The following TRMT1 variants were observed in gnomAD, a reference collection of about 807,000 sequenced individuals.
TRMT1 encodes tRNA methyltransferase 1.
TRMT1 carries 63 observed loss-of-function variants against 75.4 expected under a neutral mutation model. The observed-to-expected ratio is 0.84, with a 90% CI of 0.68 to 1.03. TRMT1 has a LOEUF of 1.03. TRMT1 is among the 50% of genes least tolerant of loss of function. The pLI is 0.00. For missense variants in TRMT1, 870 were observed against 905.3 expected, an observed-to-expected ratio of 0.96 and a Z score of 0.50; for synonymous variants, 382 against 358.1, an observed-to-expected ratio of 1.07 and a Z score of -0.75.
chr19:13,109,301 C>G, intron 12 of TRMT1, 80 bp downstream of exon 12: 3 of 1,533,490 alleles, frequency 2.0e-6, no homozygotes, highest in Non-Finnish European at 2.7e-6. Flanking sequence ...CTCGCAAGTT[C>G]TATGCATGAG....
At chr19:13,106,053 C>T (rs1303871525) in intron 14 of TRMT1, among the ~76,000 whole-genome samples, 1 of 151,220 alleles carries the variant, frequency 6.6e-6, no homozygotes, top group Non-Finnish European at 1.5e-5. Context: ...GAGAGTGAGC[C>T]TCTGTCTAAA....
Position 13,115,449 on chromosome 19 carries a change from C to T in TRMT1, c.471G>A (p.Leu157=). Residue 157 remains leucine, a synonymous_variant, in exon 5 of 17, where the codon CTG becomes CTA. Coordinates refer to ENST00000357720, the MANE Select transcript of TRMT1 (RefSeq NM_001136035.4). ...GTAGGCCTGAAGCTGCCAGGCCTTC[C>T]AGCACATGCAGGCCTTCCTGTTGGA... ...GEICEEGLHV[L]EGLAASGLRS... The T allele has an allele frequency of 6.2e-7, 1 of 1,613,312 alleles. No individual in the cohort carries two copies. Among genetic ancestry groups the T allele is most frequent in the Non-Finnish European group, 8.5e-7 (1 of 1,179,594 alleles).
Position 13,109,414 on chromosome 19 carries a change from A to T in TRMT1, c.1364T>A (p.Ile455Asn). Residue 455 changes from isoleucine (I) to asparagine (N), a missense_variant, in exon 12 of 17, where the codon ATC becomes AAC. By Grantham distance (149) the Ile-to-Asn change is moderately radical. Coordinates refer to ENST00000357720, the MANE Select transcript of TRMT1 (RefSeq NM_001136035.4). The part of the protein sequence containing the change: ...YYTLDQLSST[I>N]HCNTPSLLQL... ...CAGGAGGCTTGGTGTGTTGCAGTGG[A>T]TGGTGCTGCTCAGCTGGTCCAGGGT... 6.2e-6 allele frequency: 10 copies of T among 1,613,164 alleles called. No individual in the cohort carries two copies. Among genetic ancestry groups the T allele is most frequent in the Non-Finnish European group, 7.6e-6 (9 of 1,179,968 alleles).
At position 13,110,008 on chromosome 19, in the gene TRMT1, G is replaced by T. The variant is rs1368167263; in HGVS notation, c.1020-7C>A. ...GAACACCAGCGCCTGCTTGCTGTGG[G>T]GGGTACCAGTGGCCACGAGTTCCCA... On this transcript the variant is annotated splice_region_variant and splice_polypyrimidine_tract_variant and intron_variant, in intron 8 of 16. Coordinates refer to ENST00000357720, the MANE Select transcript of TRMT1 (RefSeq NM_001136035.4). 1 of 1,612,914 alleles carries T rather than the reference G, an allele frequency of 6.2e-7. No individual in the cohort carries two copies. The highest frequency in any genetic ancestry group is 1.3e-5 in the African/African-American group (1 of 74,882).
chr19:13,112,436 A>G (rs560664776), intron 7 of TRMT1, among the ~76,000 whole-genome samples: 1 of 152,194 alleles, frequency 6.6e-6, no homozygotes, highest in African/African-American at 2.4e-5. Flanking sequence ...TTTTTTGAAA[A>G]GTTGTTTTAA....
chr19:13,105,357 C>G lies in TRMT1; in HGVS notation c.1743G>C (p.Arg581Ser), dbSNP rs937026818. 2.9e-5 allele frequency: 46 copies of G among 1,613,804 alleles called. No individual in the cohort carries two copies. Among genetic ancestry groups the G allele is most frequent in the Non-Finnish European group, 3.7e-5 (44 of 1,180,030 alleles). ...GCTCCTTCCGCTTGTTCTGAAGCAG[C>G]CTGCGTCTCTCCTCCATAGCTTCGT... ...AADEAMEERR[R>S]LLQNKRKEPP... is the part of the protein sequence containing the mutation. Residue 581 changes from arginine (R) to serine (S), a missense_variant, in exon 16 of 17, where the codon AGG (arginine) becomes AGC (serine). By Grantham distance (110) the Arg-to-Ser change is moderately radical. Transcript: ENST00000357720.
At chr19:13,105,740 T>TA in intron 14 of TRMT1, 134 bp from the exon 15 acceptor site, 1 of 952,974 alleles carries the variant, frequency 1.0e-6, no homozygotes, top group South Asian at 1.7e-5. Flanking sequence ...CTCATTCATC[T>TA]AATAAACATT....
intron 7 of TRMT1, 138 bp from the exon 8 acceptor site, chr19:13,110,444 G>A: frequency 2.0e-6 from 2 of 1,004,362 alleles, no homozygotes; most frequent in East Asian, 2.6e-5. Context: ...CTGGCTGTGG[G>A]ACCCTCAACA....
chr19:13,107,866 A>T lies in TRMT1; in HGVS notation c.1398-7T>A. 6.4e-7 allele frequency: 1 copy of T among 1,551,180 alleles called. No homozygotes were observed. The highest frequency in any genetic ancestry group is 8.7e-7 in the Non-Finnish European group (1 of 1,146,594). ...AGCGTGGAGGAGGGCCGACCTGGGGAACAGCAGGGATTATGAGGGAGATGC... is the reference window on the plus strand; with the variant it reads ...AGCGTGGAGGAGGGCCGACCTGGGGTACAGCAGGGATTATGAGGGAGATGC... On this transcript the variant is annotated splice_region_variant and splice_polypyrimidine_tract_variant and intron_variant, in intron 12 of 16. Transcript: ENST00000357720.
intron 15 of TRMT1, 26 bp from the exon 16 acceptor site, chr19:13,105,422 A>AC: frequency 6.2e-7 from 1 of 1,613,420 alleles, no homozygotes; most frequent in African/African-American, 1.3e-5. Context: ...AGTAGGTGGG[A>AC]CCCCATCTGC....
chr19:13,112,528 T>C lies in TRMT1; in HGVS notation c.870+177A>G, dbSNP rs147967022. 3.9e-5 allele frequency among the ~76,000 whole-genome samples: 6 copies of C among 152,344 alleles called. No individual in the cohort carries two copies. The East Asian group carries it at 9.6e-4, about 24-fold the overall frequency. ...CCCAAATGACCATGATTATCAGCCA[T>C]GCTCTTAGGAACTATGTGGGTTGAA... On this transcript the variant is annotated intron_variant, in intron 7 of 16. Transcript: ENST00000357720.
chr19:13,110,413 C>G, intron 7 of TRMT1, 107 bp from the exon 8 acceptor site: 1 of 1,308,066 alleles, frequency 7.6e-7, no homozygotes, highest in Middle Eastern at 2.3e-4. Context: ...TCCCTGGGAT[C>G]CAAGCCCACC....
chr19:13,113,212 G>A (rs1599953115), intron 5 of TRMT1, among the ~76,000 whole-genome samples: 1 of 152,258 alleles, frequency 6.6e-6, no homozygotes, highest in East Asian at 1.9e-4. Context: ...CAGCTGGAGT[G>A]CAGTGTTGTG....
rs755967021 is a variant in TRMT1 at position 13,107,758 on chromosome 19, C to T, written c.1499G>A (p.Arg500His). ...GGTCAGCCCTGCCCTCACCCAGCAA[C>T]GCATGATGTCCCAGAGGGCAGAGGC... ...APASALWDIM[R>H]CWEKECPVKR... Residue 500 changes from arginine (R) to histidine (H), a missense_variant, in exon 13 of 17, where the codon CGT becomes CAT. Arg to His is a conservative substitution (Grantham distance 29). Coordinates refer to ENST00000357720, the MANE Select transcript of TRMT1 (RefSeq NM_001136035.4). 34 of 1,554,118 alleles carry T rather than the reference C, an allele frequency of 2.2e-5. No individual in the cohort carries two copies. Among genetic ancestry groups the T allele is most frequent in the East Asian group, 1.5e-4 (6 of 41,086 alleles).
intron 5 of TRMT1, among the ~76,000 whole-genome samples, chr19:13,114,425 G>A (rs1288419012): frequency 6.6e-6 from 1 of 152,206 alleles, no homozygotes; most frequent in African/African-American, 2.4e-5. Flanking sequence ...CCACCACTTT[G>A]GGAGGCCGAG....
intron 7 of TRMT1, 134 bp from the exon 8 acceptor site, chr19:13,110,440 G>T: frequency 9.5e-7 from 1 of 1,051,590 alleles, no homozygotes; most frequent in Non-Finnish European, 1.3e-6. Context: ...AGTCCTGGCT[G>T]TGGGACCCTC....
At chr19:13,115,565 C>G in intron 4 of TRMT1, 61 bp downstream of exon 4, 1 of 1,608,864 alleles carries the variant, frequency 6.2e-7, no homozygotes. Context: ...CTCTCCCCCT[C>G]CAGGAGCCCT....
At position 13,110,007 on chromosome 19, in the gene TRMT1, G is replaced by A. The variant is rs1477606514; in HGVS notation, c.1020-6C>T. 1 of 1,613,016 alleles carries A rather than the reference G, an allele frequency of 6.2e-7. No individual in the cohort carries two copies. Among genetic ancestry groups the A allele is most frequent in the Admixed American group, 1.7e-5 (1 of 60,012 alleles). ...GGAACACCAGCGCCTGCTTGCTGTGGGGGGTACCAGTGGCCACGAGTTCCC... is the reference window on the plus strand; with the variant it reads ...GGAACACCAGCGCCTGCTTGCTGTGAGGGGTACCAGTGGCCACGAGTTCCC... On this transcript the variant is annotated splice_region_variant and splice_polypyrimidine_tract_variant and intron_variant, in intron 8 of 16. Transcript: ENST00000357720.
At position 13,109,895 on chromosome 19, in the gene TRMT1, TCTC is replaced by T. The variant is rs759423336; in HGVS notation, c.1106+17_1106+19del. 12 of 1,613,912 alleles carry T rather than the reference TCTC, an allele frequency of 7.4e-6. No individual in the cohort carries two copies. The South Asian group carries it at 8.8e-5, about 12-fold the overall frequency. ...AGGAAAACCCTGGGACTCCCCTTCT[TCTC>T]CTTCCTCCCTGCTCACCGGCCGCTG... On this transcript the variant is annotated intron_variant, in intron 9 of 16. Coordinates refer to ENST00000357720, the MANE Select transcript of TRMT1 (RefSeq NM_001136035.4).
Sources: gnomAD v4.1 joint callset for allele counts (sites outside exome capture counted in the v4.1 genomes callset) on GRCh38, gnomAD v4.1.1 for gene constraint, MANE v1.5 for transcripts, NCBI Gene and HGNC (gene_info 2026-07-23, HGNC 2026-07-21) for gene names.